TMSB15A: variants seen among roughly 807,000 people sequenced by gnomAD.
The protein encoded by TMSB15A is thymosin beta 15A.
In TMSB15A, 1 loss-of-function variant was observed where a neutral mutation model predicts 3.2. That is an observed-to-expected ratio of 0.32 (90% CI 0.11 to 1.50). The LOEUF (loss-of-function observed/expected upper bound fraction) is 1.50, where lower values mean the gene tolerates loss of function less well. Among genes scored for constraint, TMSB15A ranks in the 40% most tolerant of loss-of-function variants. The pLI, the probability that TMSB15A is intolerant of heterozygous loss-of-function variation, is 0.39. For missense variants in TMSB15A, 22 were observed against 27.8 expected, an observed-to-expected ratio of 0.79 and a Z score of 0.47; for synonymous variants, 10 against 11.2, an observed-to-expected ratio of 0.90 and a Z score of 0.21.
At chrX:102,514,479 A>G (rs1279720777) in intron 2 of TMSB15A, among the ~76,000 whole-genome samples, 1 of 112,296 alleles carries the variant, frequency 8.9e-6, no homozygotes, top group Non-Finnish European at 1.9e-5. Flanking sequence ...AATTTTGACT[A>G]ACTTTGGAAC....
chrX:102,515,139 C>G lies in TMSB15A; in HGVS notation c.25G>C (p.Glu9Gln). 4 of 1,211,294 alleles carry G rather than the reference C, an allele frequency of 3.3e-6. No homozygotes were observed. Among genetic ancestry groups the G allele is most frequent in the Non-Finnish European group, 3.4e-6 (3 of 895,364 alleles). ...TTTGACCTGTCAAACTTCTCCACTT[C>G]CGACAAGTCTGGCTTATCACTCATC... MSDKPDLSEVEKFDRSKLK... is the reference protein window; with the variant it reads MSDKPDLSQVEKFDRSKLK... The change falls in exon 2 of 3, where the codon GAA becomes CAA. Residue 9 changes from glutamate to glutamine, a missense_variant. Glu to Gln is a conservative substitution (Grantham distance 29). Coordinates refer to ENST00000289373, the MANE Select transcript of TMSB15A (RefSeq NM_021992.3).
chrX:102,515,189 A>C lies in TMSB15A; in HGVS notation c.-17-9T>G. 1 of 1,201,456 alleles carries C rather than the reference A, an allele frequency of 8.3e-7. No homozygotes were observed. Among genetic ancestry groups the C allele is most frequent in the Non-Finnish European group, 1.1e-6 (1 of 890,324 alleles). ...CTTGACTAGAAGATAGCCTGAAAAGAATAAACATTTTTAAGAAAACTTACC... is the reference window on the plus strand; with the variant it reads ...CTTGACTAGAAGATAGCCTGAAAAGCATAAACATTTTTAAGAAAACTTACC... On this transcript the variant is annotated splice_polypyrimidine_tract_variant and intron_variant, in intron 1 of 2. Transcript: ENST00000289373.
At position 102,515,140 on chromosome X, in the gene TMSB15A, C is replaced by T. The variant is rs181726392; in HGVS notation, c.24G>A (p.Ser8=). Residue 8 remains serine (S), a synonymous_variant, in exon 2 of 3, where the codon TCG becomes TCA. Transcript: ENST00000289373. MSDKPDL[S]EVEKFDRSKL... ...TTGACCTGTCAAACTTCTCCACTTC[C>T]GACAAGTCTGGCTTATCACTCATCT... 1.0e-4 allele frequency: 123 copies of T among 1,209,030 alleles called. No individual in the cohort carries two copies. The Middle Eastern group carries it at 2.1e-3, about 21-fold the overall frequency.
At position 102,515,157 on chromosome X, in the gene TMSB15A, C is replaced by T. The variant is rs781949100; in HGVS notation, c.7G>A (p.Asp3Asn). The change falls in exon 2 of 3, where the codon GAT becomes AAT. Residue 3 changes from aspartate to asparagine, a missense_variant. Physicochemically the swap from Asp to Asn is conservative, Grantham distance 23. Transcript: ENST00000289373. Reference sequence around the variant, plus strand: ...TCCACTTCCGACAAGTCTGGCTTATCACTCATCTTGACTAGAAGATAGCCT... The same window carrying T: ...TCCACTTCCGACAAGTCTGGCTTATTACTCATCTTGACTAGAAGATAGCCT... MS[D>N]KPDLSEVEKF... 1 of 1,210,494 alleles carries T rather than the reference C, an allele frequency of 8.3e-7. No individual in the cohort carries two copies. The highest frequency in any genetic ancestry group is 1.1e-6 in the Non-Finnish European group (1 of 895,024).
rs1556403449 is a variant in TMSB15A at position 102,515,141 on chromosome X, G to A, written c.23C>T (p.Ser8Leu). 1.7e-6 allele frequency: 2 copies of A among 1,210,405 alleles called. No individual in the cohort carries two copies. Among genetic ancestry groups the A allele is most frequent in the South Asian group, 1.8e-5 (1 of 56,848 alleles). Residue 8 changes from serine (S) to leucine (L), a missense_variant, in exon 2 of 3, where the codon TCG becomes TTG. Physicochemically the swap from Ser to Leu is moderately radical, Grantham distance 145. Coordinates refer to ENST00000289373, the MANE Select transcript of TMSB15A (RefSeq NM_021992.3). MSDKPDL[S>L]EVEKFDRSKL... is the part of the protein sequence containing the mutation. Reference sequence around the variant, plus strand: ...TGACCTGTCAAACTTCTCCACTTCCGACAAGTCTGGCTTATCACTCATCTT... The same window carrying A: ...TGACCTGTCAAACTTCTCCACTTCCAACAAGTCTGGCTTATCACTCATCTT...
chrX:102,515,469 C>T (rs1166560975), intron 1 of TMSB15A, among the ~76,000 whole-genome samples: 1 of 111,546 alleles, frequency 9.0e-6, no homozygotes, highest in African/African-American at 3.3e-5. Flanking sequence ...AAAATCACAG[C>T]AAGGGTAAAA....
In TMSB15A at chrX:102,514,042, C is replaced by T. The variant is rs782619578; in HGVS notation, c.*45G>A. On this transcript the variant is annotated 3_prime_UTR_variant, in exon 3 of 3. Transcript: ENST00000289373. The stretch of plus-strand genomic sequence containing the variant: ...ACAAAAAACAAGCCTAAAATCAAGA[C>T]TCTCAGGTAATGTCGAAATCTGCTG... 4 of 1,197,910 alleles carry T rather than the reference C, an allele frequency of 3.3e-6. No homozygotes were observed. The African/African-American group carries it at 5.3e-5, about 16-fold the overall frequency.
intron 1 of TMSB15A, among the ~76,000 whole-genome samples, chrX:102,515,761 T>C (rs1282313419): frequency 2.7e-5 from 3 of 111,312 alleles, no homozygotes; most frequent in Admixed American, 1.9e-4. Context: ...CTTGTGGCAT[T>C]GGTGTATAAA....
At chrX:102,515,345 A>G (rs1211046290) in intron 1 of TMSB15A, among the ~76,000 whole-genome samples, 165 bp from the exon 2 acceptor site, 1 of 112,190 alleles carries the variant, frequency 8.9e-6, no homozygotes, top group Non-Finnish European at 1.9e-5. Flanking sequence ...TTTTGTTAGA[A>G]TAATTTTAAC....
At chrX:102,514,406 T>TA (rs1321710542) in intron 2 of TMSB15A, among the ~76,000 whole-genome samples, 3 of 112,275 alleles carry the variant, frequency 2.7e-5, no homozygotes, top group African/African-American at 9.7e-5. Flanking sequence ...AAGACTGAGA[T>TA]ACGAAGCAAT....
intron 2 of TMSB15A, 123 bp downstream of exon 2, chrX:102,514,941 A>T: frequency 1.4e-6 from 1 of 695,633 alleles, no homozygotes; most frequent in Non-Finnish European, 2.1e-6. Context: ...CTGTTACATT[A>T]AACACCATGG....
chrX:102,514,954 C>G lies in TMSB15A; in HGVS notation c.100+110G>C, dbSNP rs1934877880. 3 of 778,896 alleles carry G rather than the reference C, an allele frequency of 3.9e-6. No homozygotes were observed. In the South Asian group the frequency reaches 8.0e-5, roughly 21 times the overall value. The allele number at this position is 778,896 out of a possible 1,213,427, so 64.2% of individuals were successfully genotyped here. A position where few individuals can be genotyped will look rare whatever the true frequency, so the allele number is the denominator to read the frequency against. On this transcript the variant is annotated intron_variant, in intron 2 of 2. Coordinates refer to ENST00000289373, the MANE Select transcript of TMSB15A (RefSeq NM_021992.3). ...AACTGTTACATTAAACACCATGGTA[C>G]TCTAATTATTGCTTACTTTGTGGCA...
chrX:102,514,010 T>A lies in TMSB15A; in HGVS notation c.*77A>T. The A allele has an allele frequency of 9.0e-7, 1 of 1,113,291 alleles. No homozygotes were observed. Among genetic ancestry groups the A allele is most frequent in the Non-Finnish European group, 1.2e-6 (1 of 807,106 alleles). The allele number at this position is 1,113,291 out of a possible 1,213,427, so 91.7% of individuals were successfully genotyped here. A position where few individuals can be genotyped will look rare whatever the true frequency, so the allele number is the denominator to read the frequency against. On this transcript the variant is annotated 3_prime_UTR_variant, in exon 3 of 3. Transcript: ENST00000289373. The stretch of plus-strand genomic sequence containing the variant: ...GACGCCTAAAATCTCTACAAACACA[T>A]GGGTTTACAAAAAACAAGCCTAAAA...
Position 102,513,982 on chromosome X carries a change from G to A in TMSB15A, c.*105C>T, listed in dbSNP as rs1243793905. On this transcript the variant is annotated 3_prime_UTR_variant, in exon 3 of 3. Transcript: ENST00000289373. Reference sequence around the variant, plus strand: ...AGGGAACATAGGTGAGAAGATATCCGAAGACGCCTAAAATCTCTACAAACA... The same window carrying A: ...AGGGAACATAGGTGAGAAGATATCCAAAGACGCCTAAAATCTCTACAAACA... 6 of 930,686 alleles carry A rather than the reference G, an allele frequency of 6.4e-6. No individual in the cohort carries two copies. The highest frequency in any genetic ancestry group is 5.8e-5 in the African/African-American group (3 of 51,375). The allele number at this position is 930,686 out of a possible 1,213,427, so 76.7% of individuals were successfully genotyped here. A position where few individuals can be genotyped will look rare whatever the true frequency, so the allele number is the denominator to read the frequency against.
rs904722550 is a variant in TMSB15A, at chrX:102,516,726, A to G, written c.-78T>C. 2.7e-5 allele frequency: 3 copies of G among 110,648 alleles called. No homozygotes were observed. Among genetic ancestry groups the G allele is most frequent in the East Asian group, 2.9e-4 (1 of 3,419 alleles). The allele number at this position is 110,648 out of a possible 1,213,427, so 9.1% of individuals were successfully genotyped here. A position where few individuals can be genotyped will look rare whatever the true frequency, so the allele number is the denominator to read the frequency against. On this transcript the variant is annotated 5_prime_UTR_variant, in exon 1 of 3. Transcript: ENST00000289373. Reference sequence around the variant, plus strand: ...GGGCTGAGACCCAGACTCGCTCCGGACCAGGTTAGCGTTCCCGCGCAGAGC... The same window carrying G: ...GGGCTGAGACCCAGACTCGCTCCGGGCCAGGTTAGCGTTCCCGCGCAGAGC...
rs781962921 is a variant in TMSB15A, at chrX:102,516,087, C to T, written c.-18+579G>A. Among the ~76,000 whole-genome samples the T allele has an allele frequency of 2.1e-3, 234 of 110,572 alleles. 2 individuals carry two copies. The highest frequency in any genetic ancestry group is 2.1e-3 in the Non-Finnish European group (109 of 52,862). On this transcript the variant is annotated intron_variant, in intron 1 of 2. Coordinates refer to ENST00000289373, the MANE Select transcript of TMSB15A (RefSeq NM_021992.3). ...GTAGAATGGAGAGGCCCCCAAGCAG[C>T]CAGAAGTGCCGAACATGCCTCCATT...
In TMSB15A at chrX:102,513,865, T is replaced by C. The variant is rs1473877742; in HGVS notation, c.*222A>G. The C allele has an allele frequency of 9.2e-6, 4 of 435,657 alleles. No individual in the cohort carries two copies. Among genetic ancestry groups the C allele is most frequent in the African/African-American group, 7.4e-5 (3 of 40,706 alleles). 35.9% of individuals were successfully genotyped at this position (435,657 alleles called of 1,213,427 possible). A position where few individuals can be genotyped will look rare whatever the true frequency, so the allele number is the denominator to read the frequency against. ...ACACAAAGGTCATCAATGGTGAGAT[T>C]ATTGACAGCATCTGCCATCTGGAAC... On this transcript the variant is annotated 3_prime_UTR_variant, in exon 3 of 3. Coordinates refer to ENST00000289373, the MANE Select transcript of TMSB15A (RefSeq NM_021992.3).
At chrX:102,515,772 C>A (rs1348915458) in intron 1 of TMSB15A, among the ~76,000 whole-genome samples, 1 of 111,022 alleles carries the variant, frequency 9.0e-6, no homozygotes, top group Non-Finnish European at 1.9e-5. Context: ...GGTGTATAAA[C>A]GTTGTAAGAA....
intron 1 of TMSB15A, 105 bp downstream of exon 1, chrX:102,516,561 C>G (rs1934898193): frequency 8.8e-6 from 1 of 113,314 alleles, no homozygotes; most frequent in African/African-American, 3.2e-5. Context: ...CCAGCCCCAA[C>G]CTCGGCTCCT....
Sources: gnomAD v4.1 joint callset for allele counts (sites outside exome capture counted in the v4.1 genomes callset) on GRCh38, gnomAD v4.1.1 for gene constraint, MANE v1.5 for transcripts, NCBI Gene and HGNC (gene_info 2026-07-23, HGNC 2026-07-21) for gene names.